Variants in LIG1 observed in about 807,000 individuals in gnomAD.
LIG1 encodes the protein DNA ligase 1, also known as ligase I, DNA, ATP-dependent.
In LIG1, 70 loss-of-function variants were observed where a neutral mutation model predicts 115.7. That is an observed-to-expected ratio of 0.60 (90% CI 0.50 to 0.74). The LOEUF is 0.74. Among genes scored for constraint, LIG1 ranks in the 30% least tolerant of loss-of-function variants. The probability of loss-of-function intolerance (pLI) is 0.00; values close to 1 mark genes in which losing one functional copy is unlikely to be tolerated. For synonymous variants in LIG1, 487 were observed against 495.3 expected (o/e 0.98, Z 0.22); for missense variants, 1,115 against 1,225.6 (o/e 0.91, Z 1.35).
chr19:48,132,472 C>G (rs777679598), intron 18 of LIG1, among the ~76,000 whole-genome samples: 19 of 151,940 alleles, frequency 1.3e-4, no homozygotes, highest in Non-Finnish European at 2.4e-4. Flanking sequence ...ATTGTAGCTT[C>G]GGATAAGCTG....
intron 4 of LIG1, among the ~76,000 whole-genome samples, chr19:48,157,669 C>T (rs1471463841): frequency 1.3e-5 from 2 of 152,086 alleles, no homozygotes; most frequent in African/African-American, 4.8e-5. Flanking sequence ...CTCAGCCTCC[C>T]GAGCAACTGG....
rs2032734631 is a variant in LIG1 at position 48,115,574 on chromosome 19, A to G, written c.*75T>C. The G allele has an allele frequency of 8.7e-7, 1 of 1,151,472 alleles. No individual in the cohort carries two copies. The allele number at this position is 1,151,472 out of a possible 1,614,324, so 71.3% of individuals were successfully genotyped here. A position where few individuals can be genotyped will look rare whatever the true frequency, so the allele number is the denominator to read the frequency against. ...CACAGCCTGCCACAGCAGATTTGCT[A>G]AAAAGCAAAGGCAATAATAACCCTG... On this transcript the variant is annotated 3_prime_UTR_variant, in exon 28 of 28. Coordinates refer to ENST00000263274, the MANE Select transcript of LIG1 (RefSeq NM_000234.3).
Position 48,115,632 on chromosome 19 carries a change from C to A in LIG1, c.*17G>T. The A allele has an allele frequency of 6.3e-7, 1 of 1,593,006 alleles. No homozygotes were observed. Among genetic ancestry groups the A allele is most frequent in the African/African-American group, 1.3e-5 (1 of 74,564 alleles). On this transcript the variant is annotated 3_prime_UTR_variant, in exon 28 of 28. Coordinates refer to ENST00000263274, the MANE Select transcript of LIG1 (RefSeq NM_000234.3). ...TCCAACTCATGCCCTGTACCCAGGC[C>A]CTAGGAGGGCGAGGGCTTAGTAGGT... is the stretch of plus-strand genomic sequence containing the variant.
chr19:48,124,708 C>G (rs556062581), intron 21 of LIG1, among the ~76,000 whole-genome samples: 1 of 152,286 alleles, frequency 6.6e-6, no homozygotes, highest in African/African-American at 2.4e-5. Context: ...AATATGGCTA[C>G]TAGAAGCTCT....
intron 27 of LIG1, 60 bp downstream of exon 27, chr19:48,115,813 G>A (rs550186124): frequency 4.2e-5 from 67 of 1,577,016 alleles, no homozygotes; most frequent in South Asian, 4.0e-4. Flanking sequence ...AGGCCACCAC[G>A]CTAAAAAGCT....
intron 26 of LIG1, among the ~76,000 whole-genome samples, chr19:48,116,507 G>C (rs552327193): frequency 1.3e-5 from 2 of 151,998 alleles, no homozygotes; most frequent in East Asian, 3.9e-4. Flanking sequence ...CGGTAATTCG[G>C]GCTGAGAGGC....
intron 11 of LIG1, 26 bp from the exon 12 acceptor site, chr19:48,140,169 CACGTGGTTCCTCA>C (rs759696716): frequency 1.2e-6 from 2 of 1,605,088 alleles, no homozygotes; most frequent in Non-Finnish European, 1.7e-6. Flanking sequence ...GGGGTATGAA[CACGTGGTTCCTCA>C]AGGTCAAAGT....
At chr19:48,139,413 G>A (rs1231698256) in intron 12 of LIG1, among the ~76,000 whole-genome samples, 1 of 152,042 alleles carries the variant, frequency 6.6e-6, no homozygotes, top group Admixed American at 6.6e-5. Context: ...TCTACAGCTG[G>A]GGTCCAGCTC....
At chr19:48,149,006 T>C (rs2122816173) in intron 9 of LIG1, among the ~76,000 whole-genome samples, 1 of 152,238 alleles carries the variant, frequency 6.6e-6, no homozygotes, top group East Asian at 1.9e-4. Context: ...TTCCAGCACA[T>C]ACACTAAATC....
intron 24 of LIG1, chr19:48,120,087 T>C: frequency 1.5e-6 from 1 of 670,548 alleles, no homozygotes; most frequent in Non-Finnish European, 1.8e-6. Context: ...TGTAGATTGG[T>C]GGCCAAAACA....
In LIG1 at chr19:48,137,422, C is replaced by T. The variant is rs147964398; in HGVS notation, c.1254+100G>A. ...GTGCACCCCATGAGAAGGACTGATG[C>T]GACCCAGCTGATGGTCTACCCAGAA... is the stretch of plus-strand genomic sequence containing the variant. On this transcript the variant is annotated intron_variant, in intron 13 of 27. Coordinates refer to ENST00000263274, the MANE Select transcript of LIG1 (RefSeq NM_000234.3). The surrounding 1 kb of genome is among the most constrained non-coding windows in gnomAD (Gnocchi z 4.3). 3.3e-3 allele frequency: 4,868 copies of T among 1,455,856 alleles called. 16 individuals are homozygous for T. The highest frequency in any genetic ancestry group is 4.2e-3 in the Non-Finnish European group (4,491 of 1,068,036). 90.2% of individuals were successfully genotyped at this position (1,455,856 alleles called of 1,614,324 possible).
chr19:48,142,457 A>AAAAAAAAAAAAAAAAAAAAAAC (rs71181650), intron 11 of LIG1, among the ~76,000 whole-genome samples: 2 of 147,936 alleles, frequency 1.4e-5, no homozygotes, highest in Non-Finnish European at 3.0e-5. Flanking sequence ...AAAAAAAAAA[A>AAAAAAAAAAAAAAAAAAAAAAC]CAGAGTGCTG....
chr19:48,119,068 T>C (rs1484332180), intron 25 of LIG1, 69 bp downstream of exon 25: 2 of 1,278,042 alleles, frequency 1.6e-6, no homozygotes, highest in African/African-American at 3.0e-5. Flanking sequence ...GAGCCCTGCA[T>C]GGAAGGACTG....
chr19:48,150,996 C>T (rs992472049), intron 7 of LIG1, among the ~76,000 whole-genome samples: 16 of 151,956 alleles, frequency 1.1e-4, no homozygotes, highest in East Asian at 1.9e-4. Flanking sequence ...GCACCGTACC[C>T]GGCCTAGGAA....
chr19:48,141,099 T>C (rs1236092344), intron 11 of LIG1, among the ~76,000 whole-genome samples: 1 of 152,250 alleles, frequency 6.6e-6, no homozygotes, highest in Non-Finnish European at 1.5e-5. Flanking sequence ...CGACAGCTGA[T>C]GCTACGGAGC....
intron 2 of LIG1, among the ~76,000 whole-genome samples, chr19:48,162,684 T>C (rs1368024768): frequency 1.3e-5 from 2 of 152,102 alleles, no homozygotes; most frequent in Non-Finnish European, 2.9e-5. Context: ...CTGCTTGGCC[T>C]CCCAATGTGC....
chr19:48,128,099 C>G, intron 19 of LIG1, 79 bp from the exon 20 acceptor site: 6 of 1,132,886 alleles, frequency 5.3e-6, no homozygotes, highest in Non-Finnish European at 8.1e-6. Flanking sequence ...GAGATAAATT[C>G]CCTTTTCCTT....
rs1375109431 is a variant in LIG1, at chr19:48,121,201, T to C, written c.2354A>G (p.Glu785Gly). 6.2e-7 allele frequency: 1 copy of C among 1,614,092 alleles called. No homozygotes were observed. The highest frequency in any genetic ancestry group is 1.1e-5 in the South Asian group (1 of 91,080). Reference protein sequence around the residue: ...YGGFLLASYDEDSEELQAICK... With the variant: ...YGGFLLASYDGDSEELQAICK... ...TATGGCCTGCAGCTCCTCACTGTCC[T>C]CGTCGTAGGAGGCCAGCAGGAAGCC... The change falls in exon 24 of 28, where the codon GAG becomes GGG. Residue 785 changes from glutamate to glycine, a missense_variant. Transcript: ENST00000263274.
chr19:48,130,014 C>T (rs2033913868), intron 19 of LIG1, among the ~76,000 whole-genome samples: 1 of 152,190 alleles, frequency 6.6e-6, no homozygotes, highest in South Asian at 2.1e-4. Flanking sequence ...CCTCAGCCTC[C>T]CAAAGTGCTG....
Sources: allele counts gnomAD v4.1 joint callset (sites outside exome capture counted in the v4.1 genomes callset), GRCh38; gene constraint gnomAD v4.1.1; non-coding constraint Gnocchi (gnomAD v3.1); transcripts MANE v1.5; gene names NCBI Gene and HGNC (gene_info 2026-07-23, HGNC 2026-07-21).